The following RASGRP2 variants were observed in gnomAD, a reference collection of about 807,000 sequenced individuals.
RASGRP2 encodes RAS guanyl releasing protein 2.
In RASGRP2, 44 loss-of-function variants were observed where a neutral mutation model predicts 71.0. That is an observed-to-expected ratio of 0.62 (90% CI 0.49 to 0.80). The LOEUF (loss-of-function observed/expected upper bound fraction) is 0.80. Ranked by LOEUF, RASGRP2 falls within the 30% of genes least tolerant of loss-of-function variation. The probability of loss-of-function intolerance (pLI) is 0.00; values close to 1 mark genes in which losing one functional copy is unlikely to be tolerated. For missense variants in RASGRP2, 663 were observed against 813.4 expected (o/e 0.82, Z 2.25); for synonymous variants, 350 against 330.7 (o/e 1.06, Z -0.63).
chr11:64,732,204 C>T (rs752483732), intron 12 of RASGRP2, among the ~76,000 whole-genome samples: 1 of 152,194 alleles, frequency 6.6e-6, no homozygotes, highest in Non-Finnish European at 1.5e-5. Context: ...AAAAGCAAGG[C>T]GTGAAGTTCT....
chr11:64,740,727 C>A, intron 5 of RASGRP2: 1 of 686,886 alleles, frequency 1.5e-6, no homozygotes, highest in South Asian at 1.6e-5. Flanking sequence ...CCCAGCGCAG[C>A]TACAGGAGGA....
At chr11:64,730,564 T>TTG (rs1483231994) in intron 12 of RASGRP2, among the ~76,000 whole-genome samples, 6 of 152,256 alleles carry the variant, frequency 3.9e-5, no homozygotes, top group African/African-American at 1.4e-4. Flanking sequence ...AACTCTCTAA[T>TTG]GAGTTCTGGG....
chr11:64,736,611 C>G (rs2057945517), intron 9 of RASGRP2, 142 bp downstream of exon 9: 10 of 907,848 alleles, frequency 1.1e-5, no homozygotes, highest in Non-Finnish European at 1.5e-5. Flanking sequence ...TTCTCAGCAT[C>G]CACTCCAAAC....
rs766392639 is a variant in RASGRP2, at chr11:64,728,935, TGGGTGA to T, written c.1693_1698del (p.Ser565_Pro566del). ...AAGGCGCGGTGATGGTGGCTGTGCA[TGGGTGA>T]GGGTGAGGGTGCAGACCCCTCCAGG... On this transcript the variant is annotated inframe_deletion, in exon 15 of 17. Coordinates refer to ENST00000394432, the MANE Select transcript of RASGRP2 (RefSeq NM_001098671.2). The T allele has an allele frequency of 2.0e-5, 32 of 1,612,960 alleles. No homozygotes were observed. Among genetic ancestry groups the T allele is most frequent in the Non-Finnish European group, 2.7e-5 (32 of 1,179,952 alleles).
At position 64,727,029 on chromosome 11, in the gene RASGRP2, A is replaced by T; in HGVS notation, c.*109T>A. On this transcript the variant is annotated 3_prime_UTR_variant, in exon 17 of 17. Coordinates refer to ENST00000394432, the MANE Select transcript of RASGRP2 (RefSeq NM_001098671.2). The stretch of plus-strand genomic sequence containing the variant: ...GCCCTCAGCTGCATGCCACCCTCAT[A>T]TCCCACCCCCATCCCCAGCCTCCTG... The T allele has an allele frequency of 4.5e-6, 2 of 441,684 alleles. No individual in the cohort carries two copies. The highest frequency in any genetic ancestry group is 8.5e-6 in the Non-Finnish European group (2 of 235,262). The allele number at this position is 441,684 out of a possible 1,614,324, so 27.4% of individuals were successfully genotyped here.
intron 12 of RASGRP2, among the ~76,000 whole-genome samples, chr11:64,730,777 C>T (rs79233664): frequency 5.3e-5 from 8 of 152,356 alleles, no homozygotes; most frequent in African/African-American, 1.9e-4. Context: ...TTCCCTGCCT[C>T]TTGACCTGTA....
chr11:64,744,437 G>A, upstream of RASGRP2: 2 of 398,080 alleles, frequency 5.0e-6, no homozygotes, highest in Middle Eastern at 1.3e-3. Context: ...GCTTCCTCGT[G>A]TGACCTTGAG....
chr11:64,729,714 A>G (rs761229660), intron 14 of RASGRP2, 48 bp downstream of exon 14: 5 of 1,296,456 alleles, frequency 3.9e-6, no homozygotes, highest in Non-Finnish European at 5.2e-6. Context: ...ACAAACAAAC[A>G]AAAAAAAAAA....
intron 15 of RASGRP2, among the ~76,000 whole-genome samples, 157 bp from the exon 16 acceptor site, chr11:64,727,517 T>C (rs2057606884): frequency 6.9e-6 from 1 of 145,608 alleles, no homozygotes; most frequent in Admixed American, 6.9e-5. Flanking sequence ...TTTTTTTTTT[T>C]TTTTTTTTTT....
Position 64,739,996 on chromosome 11 carries a change from C to T in RASGRP2, c.522+17G>A. 6.2e-7 allele frequency: 1 copy of T among 1,614,028 alleles called. No individual in the cohort carries two copies. Among genetic ancestry groups the T allele is most frequent in the African/African-American group, 1.3e-5 (1 of 75,016 alleles). On this transcript the variant is annotated intron_variant, in intron 6 of 16. Coordinates refer to ENST00000394432, the MANE Select transcript of RASGRP2 (RefSeq NM_001098671.2). The surrounding 1 kb of genome is among the most constrained non-coding windows in gnomAD (Gnocchi z 4.2). Reference sequence around the variant, plus strand: ...AGCCCACATTGGACCCCTGACCCCCCAGCCCTCGGGCCGCACCAGGATCTT... The same window carrying T: ...AGCCCACATTGGACCCCTGACCCCCTAGCCCTCGGGCCGCACCAGGATCTT...
Position 64,726,911 on chromosome 11 carries a change from T to G in RASGRP2, c.*227A>C. On this transcript the variant is annotated 3_prime_UTR_variant, in exon 17 of 17. Coordinates refer to ENST00000394432, the MANE Select transcript of RASGRP2 (RefSeq NM_001098671.2). Reference sequence around the variant, plus strand: ...CCCCCGGGATTCTAGGCGCTGATGGTGAAGGTTAATTACACGGGCCTTTTT... The same window carrying G: ...CCCCCGGGATTCTAGGCGCTGATGGGGAAGGTTAATTACACGGGCCTTTTT... 5.2e-6 allele frequency: 1 copy of G among 191,964 alleles called. No homozygotes were observed. Among genetic ancestry groups the G allele is most frequent in the South Asian group, 1.0e-4 (1 of 9,950 alleles). 11.9% of individuals were successfully genotyped at this position (191,964 alleles called of 1,614,324 possible).
chr11:64,740,794 G>A, intron 5 of RASGRP2, 154 bp downstream of exon 5: 2 of 973,728 alleles, frequency 2.1e-6, no homozygotes, highest in Non-Finnish European at 1.6e-6. Flanking sequence ...AAGCTGCCCA[G>A]AGGAGGCATG....
rs775834035 is a variant in RASGRP2, at chr11:64,741,067, G to A, written c.252C>T (p.Ser84=). 8.7e-6 allele frequency: 14 copies of A among 1,612,950 alleles called. No homozygotes were observed. The highest frequency in any genetic ancestry group is 6.6e-5 in the South Asian group (6 of 91,024). Residue 84 remains serine (S), a synonymous_variant, in exon 5 of 17, where the codon TCC becomes TCT. Coordinates refer to ENST00000394432, the MANE Select transcript of RASGRP2 (RefSeq NM_001098671.2). ...TCAAGTCAAACTCCGCTGGGAAGGC[G>A]GAGATCCAGTACCTGGAGGAGCGGG... ...KTCHLVRYWI[S]AFPAEFDLNP... is the part of the protein sequence containing the mutation.
In RASGRP2 at chr11:64,742,372, AG is replaced by A. The variant is rs1264373558; in HGVS notation, c.74-261del. 1.7e-6 allele frequency: 1 copy of A among 589,458 alleles called. No individual in the cohort carries two copies. The highest frequency in any genetic ancestry group is 3.0e-6 in the Non-Finnish European group (1 of 329,140). 36.5% of individuals were successfully genotyped at this position (589,458 alleles called of 1,614,324 possible). A position where few individuals can be genotyped will look rare whatever the true frequency, so the allele number is the denominator to read the frequency against. ...CCGGAGGGGAACCAGCTGGGGCGGA[AG>A]GAGCCTGGGTTCCCCGGGGTCAAGA... On this transcript the variant is annotated intron_variant, in intron 2 of 16. Transcript: ENST00000394432. The surrounding 1 kb of genome is among the most constrained non-coding windows in gnomAD (Gnocchi z 4.7).
At chr11:64,728,389 G>C (rs2057642677) in intron 15 of RASGRP2, among the ~76,000 whole-genome samples, 1 of 151,988 alleles carries the variant, frequency 6.6e-6, no homozygotes, top group African/African-American at 2.4e-5. Context: ...AGGGCTTCCT[G>C]GCCACTTTCT....
rs763650167 is a variant in RASGRP2 at position 64,736,798 on chromosome 11, C to A, written c.1050G>T (p.Leu350=). Residue 350 remains leucine (L), a synonymous_variant, in exon 9 of 17, where the codon CTG becomes CTT. Transcript: ENST00000394432. ...ILEELAMVTS[L]RPPVQANPDL... is the part of the protein sequence containing the mutation. ...CGGGGTTGGCCTGTACTGGTGGCCG[C>A]AGGCTGGTCACCATGGCCAGCTCCT... 5.0e-6 allele frequency: 8 copies of A among 1,607,678 alleles called. No individual in the cohort carries two copies. In the Admixed American group the frequency reaches 1.2e-4, roughly 24 times the overall value.
rs536202448 is a variant in RASGRP2 at position 64,740,009 on chromosome 11, G to A, written c.522+4C>T. The stretch of plus-strand genomic sequence containing the variant: ...CCCCTGACCCCCCAGCCCTCGGGCC[G>A]CACCAGGATCTTGCAGAAGGAGCGA... On this transcript the variant is annotated splice_donor_region_variant and intron_variant, in intron 6 of 16. Transcript: ENST00000394432. 98 of 1,613,822 alleles carry A rather than the reference G, an allele frequency of 6.1e-5. No homozygotes were observed. Among genetic ancestry groups the A allele is most frequent in the Admixed American group, 1.8e-4 (11 of 59,982 alleles).
rs184169734 is a variant in RASGRP2, at chr11:64,732,842, C to G, written c.1412+2270G>C. Among the ~76,000 whole-genome samples the G allele has an allele frequency of 1.6e-3, 245 of 150,724 alleles. 2 individuals carry two copies. Among genetic ancestry groups the G allele is most frequent in the African/African-American group, 5.8e-3 (237 of 40,996 alleles). On this transcript the variant is annotated intron_variant, in intron 12 of 16. Coordinates refer to ENST00000394432, the MANE Select transcript of RASGRP2 (RefSeq NM_001098671.2). ...GCGCGCGCCTGTAATCCCAGCTACT[C>G]GGGAGGCTGAGACAGGAGAATCACT... is the stretch of plus-strand genomic sequence containing the variant.
chr11:64,728,000 C>T (rs1193989164), intron 15 of RASGRP2, among the ~76,000 whole-genome samples: 1 of 152,180 alleles, frequency 6.6e-6, no homozygotes, highest in African/African-American at 2.4e-5. Flanking sequence ...GATGTATGCC[C>T]TGTGCCTGCC....
Sources: allele counts gnomAD v4.1 joint callset (sites outside exome capture counted in the v4.1 genomes callset), GRCh38; gene constraint gnomAD v4.1.1; non-coding constraint Gnocchi (gnomAD v3.1); transcripts MANE v1.5; gene names NCBI Gene and HGNC (gene_info 2026-07-23, HGNC 2026-07-21).